Variants in ASIC4 observed in about 807,000 individuals in gnomAD.
The protein encoded by ASIC4 is acid sensing ion channel subunit family member 4.
A neutral mutation model predicts 53.4 loss-of-function variants in ASIC4; 28 were observed. The ratio of observed to expected loss-of-function variants is 0.52; its 90% CI spans 0.39 to 0.72. ASIC4 has a LOEUF of 0.72. Among genes scored for constraint, ASIC4 ranks in the 30% least tolerant of loss-of-function variants. The probability of loss-of-function intolerance (pLI) is 0.00; values close to 1 mark genes in which losing one functional copy is unlikely to be tolerated. For missense variants in ASIC4, 649 were observed against 729.7 expected (o/e 0.89, Z 1.27); for synonymous variants, 289 against 301.4 (o/e 0.96, Z 0.43).
At chr2:219,532,725 C>T (rs947315473) in intron 4 of ASIC4, 158 bp from the exon 5 acceptor site, 56 of 845,870 alleles carry the variant, frequency 6.6e-5, no homozygotes, top group Admixed American at 4.8e-4. Context: ...CATTTATATC[C>T]GTGGTTGCGT....
Position 219,514,574 on chromosome 2 carries a change from G to A in ASIC4, c.-151G>A, listed in dbSNP as rs763786434. 3.4e-5 allele frequency: 54 copies of A among 1,577,954 alleles called. No homozygotes were observed. The highest frequency in any genetic ancestry group is 5.5e-5 in the Admixed American group (3 of 54,580). On this transcript the variant is annotated 5_prime_UTR_variant, in exon 1 of 10. Coordinates refer to ENST00000358078, the MANE Select transcript of ASIC4 (RefSeq NM_018674.6). ...GGAGTGGGAGTGACTCCCCCACCTC[G>A]GGCCCCCACCCTGTCCCTGTCCTCT...
intron 4 of ASIC4, 160 bp downstream of exon 4, chr2:219,532,637 G>A: frequency 2.8e-6 from 3 of 1,082,560 alleles, no homozygotes; most frequent in African/African-American, 3.2e-5. Flanking sequence ...TTTAAACATG[G>A]TTTCACATAT....
In ASIC4 at chr2:219,532,829, TG is replaced by T. The variant is rs1695065643; in HGVS notation, c.1019-49del. 1.9e-6 allele frequency: 3 copies of T among 1,539,490 alleles called. No homozygotes were observed. The Admixed American group carries it at 5.1e-5, about 26-fold the overall frequency. ...ATGTATGTGCTTACATTTGGGCGTG[TG>T]GGGGACAGGGGAAGTGATCGTAGAT... On this transcript the variant is annotated intron_variant, in intron 4 of 9. Coordinates refer to ENST00000358078, the MANE Select transcript of ASIC4 (RefSeq NM_018674.6).
the ASIC4 span, among the ~76,000 whole-genome samples, chr2:219,508,074 C>T: frequency 6.6e-6 from 1 of 152,168 alleles, no homozygotes; most frequent in South Asian, 2.1e-4. Context: ...TATAAGCTGT[C>T]CCTAGTTCCT....
Position 219,536,947 on chromosome 2 carries a change from G to C in ASIC4, c.1230-119G>C. On this transcript the variant is annotated intron_variant, in intron 6 of 9. Coordinates refer to ENST00000358078, the MANE Select transcript of ASIC4 (RefSeq NM_018674.6). The surrounding 1 kb of genome is among the most constrained non-coding windows in gnomAD (Gnocchi z 4.6). ...CTCACAGCCTTGGGGAGTCCGGGGGGTAGTCACTGACTTCCCCATGTAGTG... is the reference window on the plus strand; with the variant it reads ...CTCACAGCCTTGGGGAGTCCGGGGGCTAGTCACTGACTTCCCCATGTAGTG... 1.2e-6 allele frequency: 1 copy of C among 823,774 alleles called. No individual in the cohort carries two copies. The highest frequency in any genetic ancestry group is 2.0e-6 in the Non-Finnish European group (1 of 510,238). The allele number at this position is 823,774 out of a possible 1,614,324, so 51.0% of individuals were successfully genotyped here. A position where few individuals can be genotyped will look rare whatever the true frequency, so the allele number is the denominator to read the frequency against.
the ASIC4 span, among the ~76,000 whole-genome samples, chr2:219,507,766 C>T: frequency 6.6e-6 from 1 of 152,060 alleles, no homozygotes; most frequent in Non-Finnish European, 1.5e-5. Context: ...TCTAATTACC[C>T]GAAGAGAATG....
intron 6 of ASIC4, among the ~76,000 whole-genome samples, chr2:219,535,738 C>T (rs1045392089): frequency 3.3e-5 from 5 of 150,082 alleles, no homozygotes; most frequent in African/African-American, 9.8e-5. Flanking sequence ...AGTCTTCTAC[C>T]GGGAATGCCC....
intron 6 of ASIC4, among the ~76,000 whole-genome samples, chr2:219,535,768 CCTT>C (rs1434701871): frequency 2.2e-4 from 32 of 147,530 alleles, no homozygotes; most frequent in Non-Finnish European, 3.3e-4. Flanking sequence ...CTATTCTTCT[CCTT>C]CTTTTTTTTT....
Position 219,537,679 on chromosome 2 carries a change from C to T in ASIC4, c.1449C>T (p.Pro483=). The stretch of plus-strand genomic sequence containing the variant: ...GGGTATGGAGGCGTCCCAAGACCCC[C>T]CTGCGGACCTCCACTGGGGGCATCT... The part of the protein sequence containing the change: ...LKRVWRRPKT[P]LRTSTGGIST... Residue 483 remains proline, a synonymous_variant, in exon 9 of 10, where the codon CCC becomes CCT. Coordinates refer to ENST00000358078, the MANE Select transcript of ASIC4 (RefSeq NM_018674.6). The surrounding 1 kb of genome is among the most constrained non-coding windows in gnomAD (Gnocchi z 4.9). 1 of 1,614,112 alleles carries T rather than the reference C, an allele frequency of 6.2e-7. No individual in the cohort carries two copies. The highest frequency in any genetic ancestry group is 8.5e-7 in the Non-Finnish European group (1 of 1,179,996).
At chr2:219,514,279 G>A (rs574312074), upstream of ASIC4, 207 of 1,468,582 alleles carry the variant, frequency 1.4e-4, 1 homozygote, top group Admixed American at 2.8e-3. Flanking sequence ...CCTGACGCCC[G>A]TGCTGCCGGT....
chr2:219,514,277 C>T, upstream of ASIC4: 1 of 1,468,596 alleles, frequency 6.8e-7, no homozygotes, highest in Non-Finnish European at 9.0e-7. Flanking sequence ...CTCCTGACGC[C>T]CGTGCTGCCG....
At chr2:219,535,093 G>C in intron 5 of ASIC4, 78 bp from the exon 6 acceptor site, 3 of 1,541,520 alleles carry the variant, frequency 1.9e-6, no homozygotes, top group Non-Finnish European at 2.6e-6. Flanking sequence ...ACGGCCCCTG[G>C]GCCTCCTCTC....
Position 219,537,693 on chromosome 2 carries a change from C to G in ASIC4, c.1463C>G (p.Thr488Ser), listed in dbSNP as rs1695167085. 2.5e-6 allele frequency: 4 copies of G among 1,614,106 alleles called. No homozygotes were observed. Among genetic ancestry groups the G allele is most frequent in the Non-Finnish European group, 3.4e-6 (4 of 1,179,984 alleles). ...CCCAAGACCCCCCTGCGGACCTCCACTGGGGGCATCTCCACTTTGGGGCTT... is the reference window on the plus strand; with the variant it reads ...CCCAAGACCCCCCTGCGGACCTCCAGTGGGGGCATCTCCACTTTGGGGCTT... ...RRPKTPLRTS[T>S]GGISTLGLQE... The change falls in exon 9 of 10, where the codon ACT (threonine) becomes AGT (serine). Residue 488 changes from threonine to serine, a missense_variant. By Grantham distance (58) the Thr-to-Ser change is moderately conservative (BLOSUM62 1). Coordinates refer to ENST00000358078, the MANE Select transcript of ASIC4 (RefSeq NM_018674.6). This position sits in a 1 kb window ranked among gnomAD's most constrained non-coding sequence, Gnocchi z 4.9.
At chr2:219,519,658 G>A (rs1029093330) in intron 1 of ASIC4, among the ~76,000 whole-genome samples, 17 of 152,200 alleles carry the variant, frequency 1.1e-4, no homozygotes, top group African/African-American at 4.1e-4. Flanking sequence ...CGATTAGTGC[G>A]ACAGAGAAAA....
At chr2:219,535,549 A>AGTGT (rs950015953) in intron 6 of ASIC4, among the ~76,000 whole-genome samples, 1 of 94,150 alleles carries the variant, frequency 1.1e-5, no homozygotes, top group African/African-American at 3.1e-5. Context: ...TGGGTGTGTG[A>AGTGT]GTGTGTGATG....
chr2:219,532,008 G>A lies in ASIC4; in HGVS notation c.735G>A (p.Thr245=), dbSNP rs758520189. The change falls in exon 3 of 10, where the codon ACG becomes ACA. Residue 245 remains threonine, a synonymous_variant. Coordinates refer to ENST00000358078, the MANE Select transcript of ASIC4 (RefSeq NM_018674.6). ...CCCATCTCTGCTGTGCAGATGAGACGTCGTTTGAGGCAGGTATTCGGGTGC... is the reference window on the plus strand; with the variant it reads ...CCCATCTCTGCTGTGCAGATGAGACATCGTTTGAGGCAGGTATTCGGGTGC... The part of the protein sequence containing the change: ...YLPIWRETNE[T]SFEAGIRVQI... The A allele has an allele frequency of 1.2e-5, 19 of 1,614,214 alleles. No individual in the cohort carries two copies. The highest frequency in any genetic ancestry group is 3.3e-5 in the Admixed American group (2 of 60,028).
chr2:219,514,476 A>ACGAT, upstream of ASIC4: 2 of 1,550,436 alleles, frequency 1.3e-6, no homozygotes, highest in Non-Finnish European at 8.7e-7. Context: ...CCACAAGGAG[A>ACGAT]CGATCGAGGA....
chr2:219,532,139 C>G lies in ASIC4; in HGVS notation c.855+11C>G. 3.1e-6 allele frequency: 5 copies of G among 1,613,972 alleles called. No homozygotes were observed. The highest frequency in any genetic ancestry group is 4.2e-6 in the Non-Finnish European group (5 of 1,179,998). On this transcript the variant is annotated intron_variant, in intron 3 of 9. Coordinates refer to ENST00000358078, the MANE Select transcript of ASIC4 (RefSeq NM_018674.6). ...TGCCAGGAACAGCGGGTGAGCATCT[C>G]CTGCTAGGCCCTGGATTGGGCACAG...
At chr2:219,523,524 T>TG (rs751684440) in intron 1 of ASIC4, among the ~76,000 whole-genome samples, 14 of 152,028 alleles carry the variant, frequency 9.2e-5, no homozygotes, top group Non-Finnish European at 5.9e-5. Flanking sequence ...GCGGTGGAGG[T>TG]GGGGGGTCCC....
Sources: allele counts gnomAD v4.1 joint callset (sites outside exome capture counted in the v4.1 genomes callset), GRCh38; gene constraint gnomAD v4.1.1; non-coding constraint Gnocchi (gnomAD v3.1); transcripts MANE v1.5; gene names NCBI Gene and HGNC (gene_info 2026-07-23, HGNC 2026-07-21).